Variants in HAGH observed in about 807,000 individuals in gnomAD.
HAGH encodes hydroxyacylglutathione hydrolase.
A neutral mutation model predicts 35.1 loss-of-function variants in HAGH; 29 were observed. The ratio of observed to expected loss-of-function variants is 0.83; its 90% CI spans 0.62 to 1.13. The LOEUF (loss-of-function observed/expected upper bound fraction) is 1.13. HAGH is among the 50% of genes most tolerant of loss of function. The pLI, the probability that HAGH is intolerant of heterozygous loss-of-function variation, is 0.00. For synonymous variants in HAGH, 225 were observed against 176.1 expected, an observed-to-expected ratio of 1.28 and a Z score of -2.20; for missense variants, 478 against 419.6, an observed-to-expected ratio of 1.14 and a Z score of -1.22.
At position 1,822,320 on chromosome 16, in the gene HAGH, C is replaced by T. The variant is rs1287574240; in HGVS notation, c.294G>A (p.Val98=). The T allele has an allele frequency of 6.2e-7, 1 of 1,611,372 alleles. No homozygotes were observed. The highest frequency in any genetic ancestry group is 8.5e-7 in the Non-Finnish European group (1 of 1,178,182). ...ARKHGVKLTT[V]LTTHHHWDHA... The stretch of plus-strand genomic sequence containing the variant: ...CTTACCAGTGGTGGTGGGTGGTGAG[C>T]ACTGTGGTCAGTTTCACCCCGTGCT... Residue 98 remains valine (V), a synonymous_variant, in exon 3 of 9, where the codon GTG becomes GTA. Coordinates refer to ENST00000397356, the MANE Select transcript of HAGH (RefSeq NM_005326.6).
At chr16:1,810,475 G>A (rs1248313409) in intron 7 of HAGH, 3 of 153,372 alleles carry the variant, frequency 2.0e-5, no homozygotes, top group African/African-American at 7.2e-5. Context: ...ACCAGCAGCA[G>A]GGGAGGCCAC....
chr16:1,827,007 C>CT, upstream of HAGH: 2 of 661,238 alleles, frequency 3.0e-6, no homozygotes, highest in South Asian at 2.7e-5. Flanking sequence ...GGCGGCGGCC[C>CT]GAGAGCTGCG....
In HAGH at chr16:1,820,034, C is replaced by G; in HGVS notation, c.315-20G>C. The stretch of plus-strand genomic sequence containing the variant: ...TGGTCCCTAGAAGTCAAACAGGAGA[C>G]CTGGGCTGCCTGCTGAGCTGAGGGG... On this transcript the variant is annotated intron_variant, in intron 3 of 8. Transcript: ENST00000397356. 1 of 1,476,918 alleles carries G rather than the reference C, an allele frequency of 6.8e-7. No individual in the cohort carries two copies. Among genetic ancestry groups the G allele is most frequent in the African/African-American group, 1.4e-5 (1 of 70,628 alleles). The allele number at this position is 1,476,918 out of a possible 1,614,324, so 91.5% of individuals were successfully genotyped here.
rs1329046776 is a variant in HAGH at position 1,820,034 on chromosome 16, CCTGGGCTGCCTG to C, written c.315-32_315-21del. On this transcript the variant is annotated intron_variant, in intron 3 of 8. Transcript: ENST00000397356. ...TGGTCCCTAGAAGTCAAACAGGAGA[CCTGGGCTGCCTG>C]CTGAGCTGAGGGGGCTGCCTGCTGA... The C allele has an allele frequency of 9.5e-6, 14 of 1,476,916 alleles. No individual in the cohort carries two copies. Among genetic ancestry groups the C allele is most frequent in the Non-Finnish European group, 1.2e-5 (13 of 1,060,648 alleles). The allele number at this position is 1,476,916 out of a possible 1,614,324, so 91.5% of individuals were successfully genotyped here. A position where few individuals can be genotyped will look rare whatever the true frequency, so the allele number is the denominator to read the frequency against.
chr16:1,817,485 G>A (rs534000354), intron 5 of HAGH, among the ~76,000 whole-genome samples: 14 of 152,206 alleles, frequency 9.2e-5, no homozygotes, highest in East Asian at 7.7e-4. Context: ...CCAACTGGCC[G>A]AGCAGACCCG....
chr16:1,809,946 T>G (rs1897564327), intron 7 of HAGH, 113 bp from the exon 8 acceptor site: 11 of 759,462 alleles, frequency 1.4e-5, no homozygotes, highest in Non-Finnish European at 2.5e-5. Flanking sequence ...GATGGATCAC[T>G]TGAGCCCTGG....
intron 6 of HAGH, 52 bp downstream of exon 6, chr16:1,817,116 C>T: frequency 7.2e-7 from 1 of 1,391,800 alleles, no homozygotes; most frequent in Non-Finnish European, 1.0e-6. Context: ...GAGAGCAGCC[C>T]CGCCCTGGTT....
At chr16:1,812,069 G>A (rs1430683326) in intron 7 of HAGH, among the ~76,000 whole-genome samples, 2 of 151,874 alleles carry the variant, frequency 1.3e-5, no homozygotes, top group Admixed American at 1.3e-4. Context: ...GCACAGGCCT[G>A]TAGTCCCAGG....
chr16:1,810,781 C>T (rs887072529), intron 7 of HAGH: 8 of 152,384 alleles, frequency 5.2e-5, no homozygotes, highest in African/African-American at 1.7e-4. Flanking sequence ...GGTTCCCCAC[C>T]CGCTATGGGC....
intron 7 of HAGH, chr16:1,812,523 A>AC (rs747381772): frequency 6.2e-4 from 94 of 151,364 alleles, no homozygotes; most frequent in African/African-American, 2.1e-3. Context: ...AAAAAAACAA[A>AC]AAAAAAACAC....
At chr16:1,817,130 G>A in intron 6 of HAGH, 38 bp downstream of exon 6, 1 of 1,454,986 alleles carries the variant, frequency 6.9e-7, no homozygotes, top group Non-Finnish European at 9.7e-7. Flanking sequence ...CCTGGTTAAG[G>A]CCCCCCACAC....
chr16:1,811,082 T>C (rs112488097), intron 7 of HAGH, among the ~76,000 whole-genome samples: 2 of 152,358 alleles, frequency 1.3e-5, no homozygotes, highest in Non-Finnish European at 2.9e-5. Context: ...ATGTTCTAGC[T>C]ATTTTTCCTA....
chr16:1,825,239 G>T (rs934798297), intron 1 of HAGH, among the ~76,000 whole-genome samples: 2 of 152,154 alleles, frequency 1.3e-5, no homozygotes, highest in Non-Finnish European at 2.9e-5. Flanking sequence ...ACTCGCTTGA[G>T]CCCGGGAGGC....
At chr16:1,826,613 G>T in intron 1 of HAGH, 99 bp downstream of exon 1, 1 of 980,396 alleles carries the variant, frequency 1.0e-6, no homozygotes, top group South Asian at 4.5e-5. Flanking sequence ...CTGCGCAACA[G>T]ACACCGCGTC....
In HAGH at chr16:1,807,695, CTT is replaced by C. The variant is rs1382579292; in HGVS notation, c.*1586_*1587del. 8 of 152,196 alleles carry C rather than the reference CTT, an allele frequency of 5.3e-5. No individual in the cohort carries two copies. Among genetic ancestry groups the C allele is most frequent in the Non-Finnish European group, 1.0e-4 (7 of 68,040 alleles). The allele number at this position is 152,196 out of a possible 1,614,324, so 9.4% of individuals were successfully genotyped here. Reference sequence around the variant, plus strand: ...TATTTGCTGAACAATAGAACAAACTCTTTGCGCTGGGGCGGGGGTAGTGGGAG... The same window carrying C: ...TATTTGCTGAACAATAGAACAAACTCTGCGCTGGGGCGGGGGTAGTGGGAG... On this transcript the variant is annotated 3_prime_UTR_variant, in exon 9 of 9. Coordinates refer to ENST00000397356, the MANE Select transcript of HAGH (RefSeq NM_005326.6).
Position 1,816,888 on chromosome 16 carries a change from C to A in HAGH, c.747+5G>T. The A allele has an allele frequency of 6.3e-7, 1 of 1,598,632 alleles. No homozygotes were observed. Among genetic ancestry groups the A allele is most frequent in the South Asian group, 1.1e-5 (1 of 90,790 alleles). The stretch of plus-strand genomic sequence containing the variant: ...AAGGCACTGCGCAGTGACGGCCCCA[C>A]TCACCTTGGCCCAGGCCAGCTTCTC... On this transcript the variant is annotated splice_donor_5th_base_variant and intron_variant, in intron 7 of 8. Transcript: ENST00000397356.
chr16:1,826,681 C>T lies in HAGH; in HGVS notation c.76+31G>A. On this transcript the variant is annotated intron_variant, in intron 1 of 8. Coordinates refer to ENST00000397356, the MANE Select transcript of HAGH (RefSeq NM_005326.6). The stretch of plus-strand genomic sequence containing the variant: ...GCTGCCCGCCCCGCCAGGCCCGCGT[C>T]CCCCGGCCCGCACCGCCCCGCCGCA... 5 of 988,934 alleles carry T rather than the reference C, an allele frequency of 5.1e-6. 1 individual carries two copies. The South Asian group carries it at 1.8e-4, about 36-fold the overall frequency. The allele number at this position is 988,934 out of a possible 1,614,324, so 61.3% of individuals were successfully genotyped here.
chr16:1,816,893 C>T lies in HAGH; in HGVS notation c.747G>A (p.Lys249=), dbSNP rs780559609. 3.1e-6 allele frequency: 5 copies of T among 1,606,766 alleles called. No homozygotes were observed. Reference sequence around the variant, plus strand: ...ACTGCGCAGTGACGGCCCCACTCACCTTGGCCCAGGCCAGCTTCTCCCGGA... The same window carrying T: ...ACTGCGCAGTGACGGCCCCACTCACTTTGGCCCAGGCCAGCTTCTCCCGGA... ...AAIREKLAWA[K]EKYSIGEPTV... The change falls in exon 7 of 9, where the codon AAG becomes AAA. Residue 249 remains lysine (K), a splice_region_variant and synonymous_variant. Transcript: ENST00000397356.
rs781500098 is a variant in HAGH at position 1,816,993 on chromosome 16, C to G, written c.647G>C (p.Arg216Thr). ...GGTGTACTCGTGGCCACAGTAGACT[C>G]TCTGAGGAGAGAGGTGACAGGTGAG... ...EVLGRLPPDTRVYCGHEYTIN... is the reference protein window; with the variant it reads ...EVLGRLPPDTTVYCGHEYTIN... The change falls in exon 7 of 9, where the codon AGA (arginine) becomes ACA (threonine). Residue 216 changes from arginine to threonine, a missense_variant and splice_region_variant. Arg to Thr is a moderately conservative substitution (Grantham distance 71). Transcript: ENST00000397356. 6.2e-7 allele frequency: 1 copy of G among 1,605,248 alleles called. No homozygotes were observed. Among genetic ancestry groups the G allele is most frequent in the Non-Finnish European group, 8.5e-7 (1 of 1,171,850 alleles).
Sources: gnomAD v4.1 joint callset for allele counts (sites outside exome capture counted in the v4.1 genomes callset) on GRCh38, gnomAD v4.1.1 for gene constraint, MANE v1.5 for transcripts, NCBI Gene and HGNC (gene_info 2026-07-23, HGNC 2026-07-21) for gene names.